SATB2: variants seen among roughly 807,000 people sequenced by gnomAD.
The protein encoded by SATB2 is DNA-binding protein SATB2.
SATB2 carries 1 observed loss-of-function variant against 73.4 expected under a neutral mutation model. The observed-to-expected ratio is 0.01, with a 90% CI of 0.00 to 0.06. The LOEUF (loss-of-function observed/expected upper bound fraction) is 0.06. SATB2 is among the 10% of genes least tolerant of loss of function. The pLI is 1.00. For synonymous variants in SATB2, 397 were observed against 367.0 expected, an observed-to-expected ratio of 1.08 and a Z score of -0.93; for missense variants, 459 against 945.8, an observed-to-expected ratio of 0.49 and a Z score of 6.75.
chr2:199,282,936 G>A (rs1692570373), intron 10 of SATB2, among the ~76,000 whole-genome samples: 1 of 152,126 alleles, frequency 6.6e-6, no homozygotes, highest in South Asian at 2.1e-4. Flanking sequence ...TCTGTTTAAG[G>A]TGACACCTTC....
upstream of SATB2, chr2:199,458,379 A>G: frequency 3.3e-6 from 1 of 307,000 alleles, no homozygotes; most frequent in Non-Finnish European, 6.5e-6. Context: ...GAGGAAGGGG[A>G]GAGTCGGCGG....
chr2:199,272,379 C>G lies in SATB2; in HGVS notation c.2034G>C (p.Glu678Asp), dbSNP rs147191297. 9.9e-6 allele frequency: 16 copies of G among 1,614,100 alleles called. No homozygotes were observed. The African/African-American group carries it at 2.1e-4, about 22-fold the overall frequency. The change falls in exon 11 of 11, where the codon GAG becomes GAC. Residue 678 changes from glutamate to aspartate, a missense_variant. Transcript: ENST00000417098. This position sits in a 1 kb window ranked among gnomAD's most constrained non-coding sequence, Gnocchi z 6.7. ...YHVKHHGKLK[E>D]HLGSAVDVAE... is the part of the protein sequence containing the mutation. ...CCACGTCCACCGCGGAGCCCAGGTG[C>G]TCTTTCAGCTTCCCGTGGTGCTTCA...
intron 2 of SATB2, among the ~76,000 whole-genome samples, chr2:199,439,205 T>C (rs1691737228): frequency 6.6e-6 from 1 of 152,258 alleles, no homozygotes; most frequent in South Asian, 2.1e-4. Context: ...ATGGTCATAC[T>C]CTAGTGTAAA....
intron 5 of SATB2, among the ~76,000 whole-genome samples, chr2:199,375,990 T>C (rs1689592766): frequency 6.6e-6 from 1 of 152,210 alleles, no homozygotes; most frequent in Non-Finnish European, 1.5e-5. Context: ...CATGCATCTG[T>C]TCTATGACAA....
chr2:199,360,395 C>A (rs570564098), intron 6 of SATB2, among the ~76,000 whole-genome samples: 1 of 152,174 alleles, frequency 6.6e-6, no homozygotes, highest in Non-Finnish European at 1.5e-5. Flanking sequence ...GTTCCCCAGA[C>A]ATGGTCTGTC....
chr2:199,327,773 G>A (rs562370934), intron 8 of SATB2, among the ~76,000 whole-genome samples: 2 of 152,170 alleles, frequency 1.3e-5, no homozygotes, highest in East Asian at 3.9e-4. Context: ...AATTCTGTGG[G>A]GAGATCATCC....
intron 10 of SATB2, among the ~76,000 whole-genome samples, chr2:199,280,474 C>A (rs187016540): frequency 1.2e-4 from 18 of 152,124 alleles, no homozygotes; most frequent in Non-Finnish European, 2.1e-4. Flanking sequence ...GTGAGCCGGG[C>A]GGAACAGAGC....
At chr2:199,456,634 T>G (rs891212568) in intron 1 of SATB2, among the ~76,000 whole-genome samples, 3 of 152,120 alleles carry the variant, frequency 2.0e-5, no homozygotes, top group Admixed American at 6.6e-5. Context: ...ACGGAGCAAG[T>G]CCTGAGATAA....
At chr2:199,362,406 C>A (rs188817870) in intron 6 of SATB2, among the ~76,000 whole-genome samples, 2 of 130,166 alleles carry the variant, frequency 1.5e-5, no homozygotes, top group East Asian at 5.2e-4. Flanking sequence ...TCCGGACTTT[C>A]CTCTATGCCA....
rs529039533 is a variant in SATB2 at position 199,421,955 on chromosome 2, T to C, written c.346+11383A>G. On this transcript the variant is annotated intron_variant, in intron 3 of 10. Coordinates refer to ENST00000417098, the MANE Select transcript of SATB2 (RefSeq NM_001172509.2). ...CGTAAATTACTCTGATTGCCCAGCA[T>C]GTGCTGGGTATATAGTATCTGCACT... Among the ~76,000 whole-genome samples, 13 of 152,366 alleles carry C rather than the reference T, an allele frequency of 8.5e-5. No individual in the cohort carries two copies. In the South Asian group the frequency reaches 2.5e-3, roughly 29 times the overall value.
intron 7 of SATB2, among the ~76,000 whole-genome samples, chr2:199,343,780 T>C (rs1161990287): frequency 6.6e-6 from 1 of 152,326 alleles, no homozygotes; most frequent in African/African-American, 2.4e-5. Flanking sequence ...GGCTGGCCCA[T>C]GAACTCAAGC....
At position 199,370,946 on chromosome 2, in the gene SATB2, CAA is replaced by C. The variant is rs67348909; in HGVS notation, c.598-2241_598-2240del. Among the ~76,000 whole-genome samples, 233 of 69,548 alleles carry C rather than the reference CAA, an allele frequency of 3.4e-3. 1 individual carries two copies. Among genetic ancestry groups the C allele is most frequent in the East Asian group, 0.016 (46 of 2,800 alleles). 45.6% of individuals were successfully genotyped at this position (69,548 alleles called of 152,430 possible). ...AAACAGGTTTCAACTATGAACTGAG[CAA>C]AAAAAAAAAAAAAAAAAAAGTAGCA... On this transcript the variant is annotated intron_variant, in intron 5 of 10. Transcript: ENST00000417098.
At chr2:199,316,671 C>G (rs1354269464) in intron 9 of SATB2, among the ~76,000 whole-genome samples, 1 of 151,996 alleles carries the variant, frequency 6.6e-6, no homozygotes, top group Non-Finnish European at 1.5e-5. Context: ...CTGCTGGGCT[C>G]AAGTCAAGAG....
intron 8 of SATB2, among the ~76,000 whole-genome samples, chr2:199,325,822 T>C (rs1441063373): frequency 3.9e-5 from 6 of 152,188 alleles, no homozygotes; most frequent in African/African-American, 9.7e-5. Context: ...ACTGAATTCA[T>C]GCAAAATGTT....
intron 5 of SATB2, among the ~76,000 whole-genome samples, chr2:199,375,182 G>A (rs538547943): frequency 3.0e-4 from 45 of 152,158 alleles, no homozygotes; most frequent in Middle Eastern, 3.2e-3. Flanking sequence ...GTAAGCCACA[G>A]AAAGATGCAA....
Position 199,272,763 on chromosome 2 carries a change from A to G in SATB2, c.1741-91T>C. 8.5e-7 allele frequency: 1 copy of G among 1,174,948 alleles called. No individual in the cohort carries two copies. The highest frequency in any genetic ancestry group is 1.2e-5 in the South Asian group (1 of 80,690). 72.8% of individuals were successfully genotyped at this position (1,174,948 alleles called of 1,614,324 possible). ...CCTCTGAAATATGTGTTATCTATCT[A>G]GCACTGGAGGTAAGCTATAGTCATT... On this transcript the variant is annotated intron_variant, in intron 10 of 10. Transcript: ENST00000417098. The surrounding 1 kb of genome is among the most constrained non-coding windows in gnomAD (Gnocchi z 6.7).
At chr2:199,427,035 G>T (rs1016982379) in intron 3 of SATB2, among the ~76,000 whole-genome samples, 7 of 151,984 alleles carry the variant, frequency 4.6e-5, no homozygotes, top group African/African-American at 1.5e-4. Context: ...CTGCCACCAT[G>T]CCTGGCTAAT....
intron 7 of SATB2, among the ~76,000 whole-genome samples, chr2:199,334,534 G>A (rs1166354210): frequency 6.6e-6 from 1 of 151,922 alleles, no homozygotes; most frequent in Non-Finnish European, 1.5e-5. Context: ...CCCTGCCCCC[G>A]GATAACCTAT....
chr2:199,282,199 C>T lies in SATB2; in HGVS notation c.1741-9527G>A, dbSNP rs1388702818. ...CCCGGCCCATATTCTCTCTTCTTTA[C>T]TTTCAGATCAGTTACTATTCTTGTT... On this transcript the variant is annotated intron_variant, in intron 10 of 10. Transcript: ENST00000417098. 3.3e-5 allele frequency among the ~76,000 whole-genome samples: 5 copies of T among 152,292 alleles called. No individual in the cohort carries two copies. In the East Asian group the frequency reaches 7.7e-4, roughly 23 times the overall value.
Sources: allele counts gnomAD v4.1 joint callset (sites outside exome capture counted in the v4.1 genomes callset), GRCh38; gene constraint gnomAD v4.1.1; non-coding constraint Gnocchi (gnomAD v3.1); transcripts MANE v1.5; gene names NCBI Gene and HGNC (gene_info 2026-07-23, HGNC 2026-07-21).